Variants in NHERF2 observed in about 807,000 individuals in gnomAD.
NHERF2 encodes the protein NHERF family PDZ scaffold protein 2.
At chr16:2,034,061 C>T in the NHERF2 span, among the ~76,000 whole-genome samples, 2 of 152,160 alleles carry the variant, frequency 1.3e-5, no homozygotes, top group African/African-American at 2.4e-5. Context: ...GCCTCAGGGC[C>T]CCAGACACCC....
the NHERF2 span, chr16:2,037,718 C>T: frequency 6.4e-7 from 1 of 1,551,208 alleles, no homozygotes; most frequent in Non-Finnish European, 8.7e-7. Flanking sequence ...CCTCGTGAGC[C>T]CCAGCCCCAG....
chr16:2,037,196 C>T, the NHERF2 span, among the ~76,000 whole-genome samples: 3 of 152,300 alleles, frequency 2.0e-5, no homozygotes, highest in Non-Finnish European at 4.4e-5. Flanking sequence ...CCCCTGGGGT[C>T]GGGGCCACTG....
the NHERF2 span, chr16:2,036,791 G>A: frequency 2.1e-5 from 34 of 1,613,436 alleles, no homozygotes; most frequent in Middle Eastern, 4.9e-4. Flanking sequence ...CAAGGCACGG[G>A]AGGACGAGGC....
chr16:2,036,218 G>A, the NHERF2 span: 54 of 1,208,738 alleles, frequency 4.5e-5, no homozygotes, highest in Middle Eastern at 2.3e-4. Flanking sequence ...GGGCCTGCCC[G>A]TGGGGGGCAC....
the NHERF2 span, chr16:2,036,587 G>A: frequency 7.9e-6 from 12 of 1,517,732 alleles, no homozygotes; most frequent in Non-Finnish European, 1.1e-5. Flanking sequence ...GGAGGAGGGA[G>A]ACGCTGGGAA....
At chr16:2,027,182 C>T in the NHERF2 span, 1 of 1,452,966 alleles carries the variant, frequency 6.9e-7, no homozygotes, top group Non-Finnish European at 9.1e-7. Context: ...TGGTCGAGGT[C>T]AACGGCGTCA....
the NHERF2 span, chr16:2,029,689 G>T: frequency 6.4e-6 from 10 of 1,559,716 alleles, no homozygotes; most frequent in Non-Finnish European, 6.1e-6. Flanking sequence ...CCGAGGAGAT[G>T]GCCCAGCGAG....
At chr16:2,034,864 C>A in the NHERF2 span, among the ~76,000 whole-genome samples, 1 of 152,262 alleles carries the variant, frequency 6.6e-6, no homozygotes, top group African/African-American at 2.4e-5. Flanking sequence ...GTGACTGCAT[C>A]CCTGAGGGGC....
chr16:2,035,435 G>T, the NHERF2 span: 6 of 985,820 alleles, frequency 6.1e-6, no homozygotes, highest in East Asian at 6.8e-4. Flanking sequence ...CACACAGGGA[G>T]GTAGGAGGTG....
the NHERF2 span, chr16:2,036,266 T>C: frequency 1.3e-6 from 2 of 1,492,512 alleles, no homozygotes; most frequent in African/African-American, 1.4e-5. Context: ...CACCGGGGAG[T>C]GGCCTCTGGA....
chr16:2,035,601 AC>A, the NHERF2 span: 1 of 986,104 alleles, frequency 1.0e-6, no homozygotes, highest in Non-Finnish European at 1.2e-6. Flanking sequence ...CCGCCGCCGC[AC>A]CCTGGCCCAC....
chr16:2,038,174 TA>T, the NHERF2 span: 1 of 629,820 alleles, frequency 1.6e-6, no homozygotes, highest in East Asian at 2.8e-5. Flanking sequence ...GGCAGCAAGA[TA>T]GGGGGAGAGA....
chr16:2,027,148 C>T, the NHERF2 span: 1 of 1,475,342 alleles, frequency 6.8e-7, no homozygotes, highest in Non-Finnish European at 8.9e-7. Flanking sequence ...GCCGAGGCCG[C>T]CGCGCTGCGC....
chr16:2,033,734 G>C, the NHERF2 span, among the ~76,000 whole-genome samples: 1 of 152,068 alleles, frequency 6.6e-6, no homozygotes, highest in East Asian at 1.9e-4. Flanking sequence ...GGCGGGAGGC[G>C]GCAGGAAGTG....
chr16:2,036,929 C>T, the NHERF2 span: 22 of 1,573,914 alleles, frequency 1.4e-5, no homozygotes, highest in South Asian at 2.2e-4. Flanking sequence ...GGTGGCTGAG[C>T]AGCCACTGAC....
chr16:2,038,537 T>C, the NHERF2 span: 1 of 352,910 alleles, frequency 2.8e-6, no homozygotes. Flanking sequence ...TGGGAGTCCC[T>C]GGGACTTCCC....
At chr16:2,038,208 TCAGAGA>T in the NHERF2 span, 27 of 595,676 alleles carry the variant, frequency 4.5e-5, no homozygotes, top group Middle Eastern at 4.4e-4. Flanking sequence ...TGAGAGAGAG[TCAGAGA>T]CAGAGACAGA....
the NHERF2 span, among the ~76,000 whole-genome samples, chr16:2,033,957 C>G: frequency 5.9e-5 from 9 of 152,314 alleles, no homozygotes; most frequent in African/African-American, 1.9e-4. Flanking sequence ...ATAGGCAGAA[C>G]TTCTTGCCTT....
At chr16:2,038,080 G>A in the NHERF2 span, 2 of 1,466,010 alleles carry the variant, frequency 1.4e-6, no homozygotes, top group South Asian at 1.3e-5. Context: ...TGGACTGGAG[G>A]GTGGTCCTGC....
Sources: allele counts gnomAD v4.1 joint callset (sites outside exome capture counted in the v4.1 genomes callset), GRCh38; gene constraint gnomAD v4.1.1; transcripts MANE v1.5; gene names NCBI Gene and HGNC (gene_info 2026-07-23, HGNC 2026-07-21).